TECPR2: variants seen among roughly 807,000 people sequenced by gnomAD.
TECPR2 encodes the protein tectonin beta-propeller repeat-containing protein 2.
In TECPR2, 65 loss-of-function variants were observed where a neutral mutation model predicts 138.1. That is an observed-to-expected ratio of 0.47 (90% CI 0.39 to 0.58). The LOEUF (loss-of-function observed/expected upper bound fraction) is 0.58. Among genes scored for constraint, TECPR2 ranks in the 20% least tolerant of loss-of-function variants. The probability of loss-of-function intolerance (pLI) is 0.00; values close to 1 mark genes in which losing one functional copy is unlikely to be tolerated. For missense variants in TECPR2, 1,553 were observed against 1,824.5 expected (o/e 0.85, Z 2.71); for synonymous variants, 746 against 749.8 (o/e 0.99, Z 0.08).
Position 102,443,692 on chromosome 14 carries a change from G to A in TECPR2, c.2798G>A (p.Cys933Tyr). 1 of 1,611,926 alleles carries A rather than the reference G, an allele frequency of 6.2e-7. No individual in the cohort carries two copies. The highest frequency in any genetic ancestry group is 8.5e-7 in the Non-Finnish European group (1 of 1,178,428). Residue 933 changes from cysteine (C) to tyrosine (Y), a missense_variant, in exon 12 of 20, where the codon TGT becomes TAT. Coordinates refer to ENST00000359520, the MANE Select transcript of TECPR2 (RefSeq NM_014844.5). This position sits in a 1 kb window ranked among gnomAD's most constrained non-coding sequence, Gnocchi z 4.9. ...RPCARAVKVD[C>Y]PYPLSQITAR... Reference sequence around the variant, plus strand: ...TGTGCCAGAGCCGTAAAGGTGGACTGTCCCTACCCGCTGTCCCAGATCACA... The same window carrying A: ...TGTGCCAGAGCCGTAAAGGTGGACTATCCCTACCCGCTGTCCCAGATCACA...
At chr14:102,373,201 T>C (rs762106) in intron 1 of TECPR2, among the ~76,000 whole-genome samples, 54,902 of 151,774 alleles carry the variant, frequency 0.36, 10,151 homozygotes, top group Middle Eastern at 0.5. Context: ...TTTTTTTTCT[T>C]TCTTTTTGGT....
At chr14:102,453,974 C>A (rs1376085674) in intron 16 of TECPR2, among the ~76,000 whole-genome samples, 1 of 152,042 alleles carries the variant, frequency 6.6e-6, no homozygotes, top group Non-Finnish European at 1.5e-5. Flanking sequence ...CATGGTGAAA[C>A]CCCGTCTTTA....
chr14:102,447,566 G>T (rs1890018230), intron 13 of TECPR2, among the ~76,000 whole-genome samples: 1 of 152,000 alleles, frequency 6.6e-6, no homozygotes, highest in Non-Finnish European at 1.5e-5. Flanking sequence ...ACGGAGTCTT[G>T]CTCTGTCACC....
At position 102,440,618 on chromosome 14, in the gene TECPR2, G is replaced by A. The variant is rs753140257; in HGVS notation, c.2752+9G>A. On this transcript the variant is annotated intron_variant, in intron 11 of 19. Coordinates refer to ENST00000359520, the MANE Select transcript of TECPR2 (RefSeq NM_014844.5). ...CCTATACTTGCAGACAGGTAACCGC[G>A]GGCCACGCTTAGAGGCCTGCCAGCT... is the stretch of plus-strand genomic sequence containing the variant. 4.0e-5 allele frequency: 65 copies of A among 1,611,274 alleles called. No homozygotes were observed. Among genetic ancestry groups the A allele is most frequent in the Non-Finnish European group, 5.0e-5 (59 of 1,178,400 alleles).
At chr14:102,422,830 A>C (rs529497986) in intron 5 of TECPR2, among the ~76,000 whole-genome samples, 1 of 152,308 alleles carries the variant, frequency 6.6e-6, no homozygotes, top group African/African-American at 2.4e-5. Flanking sequence ...TAGGCTTCAT[A>C]ACTGCATGGA....
chr14:102,391,130 C>T (rs1048153830), intron 2 of TECPR2, among the ~76,000 whole-genome samples: 2 of 152,206 alleles, frequency 1.3e-5, no homozygotes, highest in Non-Finnish European at 2.9e-5. Flanking sequence ...ATGATCTCAG[C>T]TCACTGCAAC....
chr14:102,424,081 A>G (rs1004896188), intron 5 of TECPR2, among the ~76,000 whole-genome samples: 1 of 152,210 alleles, frequency 6.6e-6, no homozygotes, highest in Non-Finnish European at 1.5e-5. Context: ...TCTTTGTTGT[A>G]TGAACAGCAT....
At chr14:102,426,428 T>C (rs74751901) in intron 6 of TECPR2, among the ~76,000 whole-genome samples, 6,239 of 152,248 alleles carry the variant, frequency 0.041, 147 homozygotes, top group Middle Eastern at 0.092. Context: ...CTCCCTGCCT[T>C]ACCCTCCCGA....
intron 6 of TECPR2, 114 bp downstream of exon 6, chr14:102,425,405 C>T (rs1889290776): frequency 9.3e-7 from 1 of 1,073,922 alleles, no homozygotes; most frequent in Non-Finnish European, 1.2e-6. Context: ...TTGACTTACA[C>T]TTTACTTTTT....
intron 17 of TECPR2, among the ~76,000 whole-genome samples, chr14:102,477,676 A>G (rs1393006863): frequency 7.1e-5 from 10 of 141,300 alleles, no homozygotes; most frequent in East Asian, 6.6e-4. Context: ...TCAGCCTCCC[A>G]AGTAGCTGGG....
chr14:102,457,320 A>G (rs1890298626), intron 16 of TECPR2, among the ~76,000 whole-genome samples: 1 of 151,532 alleles, frequency 6.6e-6, no homozygotes, highest in Non-Finnish European at 1.5e-5. Context: ...CCTGACCTCA[A>G]CTGATGCACC....
At chr14:102,460,369 G>A (rs375740584) in intron 16 of TECPR2, among the ~76,000 whole-genome samples, 2 of 151,914 alleles carry the variant, frequency 1.3e-5, no homozygotes, top group Non-Finnish European at 2.9e-5. Context: ...ATCTCAGCAC[G>A]TTGGGAGGCC....
At position 102,496,739 on chromosome 14, in the gene TECPR2, G is replaced by A. The variant is rs377627625; in HGVS notation, c.3790-240G>A. ...CCCTGCCCTTCTTGGCCTCCTGCTGGAGTCCATGCTGGTATCTGCTGGGCT... is the reference window on the plus strand; with the variant it reads ...CCCTGCCCTTCTTGGCCTCCTGCTGAAGTCCATGCTGGTATCTGCTGGGCT... On this transcript the variant is annotated intron_variant, in intron 17 of 19. Transcript: ENST00000359520. 1,277 of 555,672 alleles carry A rather than the reference G, an allele frequency of 2.3e-3. 3 individuals are homozygous for A. The highest frequency in any genetic ancestry group is 3.3e-3 in the Non-Finnish European group (1,049 of 316,912). The allele number at this position is 555,672 out of a possible 1,614,324, so 34.4% of individuals were successfully genotyped here.
chr14:102,455,870 C>A (rs1434246028), intron 16 of TECPR2, among the ~76,000 whole-genome samples: 1 of 152,248 alleles, frequency 6.6e-6, no homozygotes, highest in African/African-American at 2.4e-5. Flanking sequence ...GCCTCCGCCT[C>A]CCAAAGTGCT....
chr14:102,496,404 G>T (rs1170850519), intron 17 of TECPR2, among the ~76,000 whole-genome samples: 2 of 152,258 alleles, frequency 1.3e-5, no homozygotes, highest in Non-Finnish European at 2.9e-5. Context: ...CTCCTGTCCT[G>T]TGAAGAGCAG....
intron 7 of TECPR2, among the ~76,000 whole-genome samples, chr14:102,429,078 C>T (rs1167150297): frequency 6.6e-6 from 1 of 152,140 alleles, no homozygotes; most frequent in Non-Finnish European, 1.5e-5. Flanking sequence ...AACTCCCGAC[C>T]TCAGGCGATC....
chr14:102,489,099 C>G (rs1489123429), intron 17 of TECPR2, among the ~76,000 whole-genome samples: 1 of 151,714 alleles, frequency 6.6e-6, no homozygotes, highest in Non-Finnish European at 1.5e-5. Flanking sequence ...CCAGGCTGGT[C>G]TCAAACTCCT....
intron 17 of TECPR2, among the ~76,000 whole-genome samples, chr14:102,490,864 G>A (rs951796539): frequency 1.2e-4 from 18 of 152,190 alleles, no homozygotes; most frequent in Non-Finnish European, 2.2e-4. Flanking sequence ...CAGACGACAT[G>A]TGCTAGTTCA....
chr14:102,471,901 G>T (rs1224363346), intron 17 of TECPR2, among the ~76,000 whole-genome samples: 3 of 152,082 alleles, frequency 2.0e-5, no homozygotes, highest in Admixed American at 6.5e-5. Flanking sequence ...TGTGCACAGT[G>T]CTTTGCTTGA....
Sources: gnomAD v4.1 joint callset for allele counts (sites outside exome capture counted in the v4.1 genomes callset) on GRCh38, gnomAD v4.1.1 for gene constraint, Gnocchi (gnomAD v3.1) non-coding constraint, MANE v1.5 for transcripts, NCBI Gene and HGNC (gene_info 2026-07-23, HGNC 2026-07-21) for gene names.